Variants in HMGA2 observed in about 807,000 individuals in gnomAD.
HMGA2 encodes the protein high mobility group AT-hook 2.
In HMGA2, 8 loss-of-function variants were observed where a neutral mutation model predicts 19.1. That is an observed-to-expected ratio of 0.42 (90% CI 0.25 to 0.76). The LOEUF is 0.76. Ranked by LOEUF, HMGA2 falls within the 30% of genes least tolerant of loss-of-function variation. HMGA2 has a pLI of 0.28. For missense variants in HMGA2, 109 were observed against 136.3 expected (o/e 0.80, Z 1.00); for synonymous variants, 60 against 48.8 (o/e 1.23, Z -0.96).
At chr12:65,875,475 G>A (rs1456346682) in intron 3 of HMGA2, among the ~76,000 whole-genome samples, 1 of 152,058 alleles carries the variant, frequency 6.6e-6, no homozygotes, top group South Asian at 2.1e-4. Context: ...CCAGGCTGGA[G>A]TGCAGTGGTG....
intron 3 of HMGA2, chr12:65,851,698 C>G (rs1284566354): frequency 4.8e-6 from 2 of 420,488 alleles, no homozygotes; most frequent in Admixed American, 5.3e-5. Context: ...AGTTTTAAAC[C>G]CTGTGAAAAT....
At chr12:65,950,936 T>G (rs1259705442) in intron 3 of HMGA2, among the ~76,000 whole-genome samples, 1 of 152,194 alleles carries the variant, frequency 6.6e-6, no homozygotes, top group Non-Finnish European at 1.5e-5. Flanking sequence ...ATAGACATTT[T>G]TGTTTTTTTT....
chr12:65,875,107 A>G (rs1872915275), intron 3 of HMGA2, among the ~76,000 whole-genome samples: 1 of 143,780 alleles, frequency 7.0e-6, no homozygotes, highest in Non-Finnish European at 1.5e-5. Flanking sequence ...AAATGCTTAT[A>G]TTTATTAGAG....
At position 65,947,141 on chromosome 12, in the gene HMGA2, G is replaced by T. The variant is rs528236375; in HGVS notation, c.250-4242G>T. 9.3e-5 allele frequency among the ~76,000 whole-genome samples: 14 copies of T among 150,574 alleles called. No homozygotes were observed. The South Asian group carries it at 2.5e-3, about 27-fold the overall frequency. On this transcript the variant is annotated intron_variant, in intron 3 of 4. Transcript: ENST00000403681. ...CTCACCACTTTTTTTTTTTTTTGAG[G>T]CAGAGTCTTGCTCCGTCACCCAGGC...
chr12:65,828,164 T>C (rs1201010932), intron 2 of HMGA2, 77 bp downstream of exon 2: 3 of 1,051,966 alleles, frequency 2.9e-6, no homozygotes, highest in East Asian at 4.7e-5. Context: ...TTTCCCATTC[T>C]AACTCCGCAG....
chr12:65,954,937 G>T (rs1876562194), intron 4 of HMGA2: 1 of 152,168 alleles, frequency 6.6e-6, no homozygotes, highest in Non-Finnish European at 1.5e-5. Flanking sequence ...GGGTGCAGTG[G>T]CTCACACCTG....
intron 3 of HMGA2, among the ~76,000 whole-genome samples, chr12:65,886,804 C>G (rs181681823): frequency 3.8e-4 from 58 of 152,312 alleles, no homozygotes; most frequent in African/African-American, 1.3e-3. Flanking sequence ...CAAAGCTTCT[C>G]AACCCACCAG....
chr12:65,891,467 G>A (rs1200191259), intron 3 of HMGA2, among the ~76,000 whole-genome samples: 1 of 152,228 alleles, frequency 6.6e-6, no homozygotes, highest in Non-Finnish European at 1.5e-5. Flanking sequence ...AGCATTTAGG[G>A]AAGACAGTTA....
chr12:65,924,989 A>G (rs1875455002), intron 3 of HMGA2, among the ~76,000 whole-genome samples: 1 of 152,136 alleles, frequency 6.6e-6, no homozygotes, highest in African/African-American at 2.4e-5. Flanking sequence ...GTAAAATTTA[A>G]CAGAATAAAG....
chr12:65,865,770 G>A (rs980617941), intron 3 of HMGA2, among the ~76,000 whole-genome samples: 2 of 151,346 alleles, frequency 1.3e-5, no homozygotes, highest in South Asian at 4.2e-4. Context: ...GAGTAGCTGG[G>A]ACTACAGGCA....
chr12:65,867,564 C>T, intron 3 of HMGA2: 3 of 443,300 alleles, frequency 6.8e-6, no homozygotes, highest in Non-Finnish European at 1.4e-5. Context: ...ACTGACAAAT[C>T]AGTTGGACTG....
chr12:65,879,912 C>T (rs1409576827), intron 3 of HMGA2, among the ~76,000 whole-genome samples: 1 of 152,108 alleles, frequency 6.6e-6, no homozygotes, highest in Non-Finnish European at 1.5e-5. Flanking sequence ...AAAAACAACT[C>T]GATGAATAGA....
At position 65,824,962 on chromosome 12, in the gene HMGA2, C is replaced by A; in HGVS notation, c.-309C>A. On this transcript the variant is annotated 5_prime_UTR_variant, in exon 1 of 5. Coordinates refer to ENST00000403681, the MANE Select transcript of HMGA2 (RefSeq NM_003483.6). ...TTCCTTCTCCCTCGCTTCCCTCCTC[C>A]TCTTGCTACCTCCACCTCCACCGCC... is the stretch of plus-strand genomic sequence containing the variant. 2.5e-6 allele frequency: 1 copy of A among 392,350 alleles called. No homozygotes were observed. Among genetic ancestry groups the A allele is most frequent in the South Asian group, 3.9e-5 (1 of 25,668 alleles). 24.3% of individuals were successfully genotyped at this position (392,350 alleles called of 1,614,324 possible).
At chr12:65,847,499 C>A (rs999807567) in intron 3 of HMGA2, among the ~76,000 whole-genome samples, 3 of 152,092 alleles carry the variant, frequency 2.0e-5, no homozygotes, top group Admixed American at 2.0e-4. Context: ...AAAATGAGCT[C>A]TTTGAGGGTT....
At chr12:65,952,583 G>A in intron 4 of HMGA2, 1 of 1,198,948 alleles carries the variant, frequency 8.3e-7, no homozygotes, top group Non-Finnish European at 1.1e-6. Context: ...AGTGGGAGAG[G>A]GGTGCTAAAA....
At chr12:65,831,159 C>A (rs1870458556) in intron 2 of HMGA2, 1 of 151,798 alleles carries the variant, frequency 6.6e-6, no homozygotes, top group East Asian at 1.9e-4. Flanking sequence ...TATGTCTTAA[C>A]TTCCTTTTTT....
intron 2 of HMGA2, among the ~76,000 whole-genome samples, chr12:65,838,236 A>G (rs1378513366): frequency 6.6e-6 from 1 of 152,100 alleles, no homozygotes; most frequent in East Asian, 1.9e-4. Context: ...GCTTTTGAAA[A>G]AGCATTTTCA....
intron 3 of HMGA2, chr12:65,843,608 C>A: frequency 5.9e-6 from 1 of 168,968 alleles, no homozygotes; most frequent in Non-Finnish European, 1.3e-5. Context: ...GATTTTGAAG[C>A]TAAAACATTA....
At chr12:65,844,838 C>A (rs952868987) in intron 3 of HMGA2, among the ~76,000 whole-genome samples, 1 of 152,194 alleles carries the variant, frequency 6.6e-6, no homozygotes, top group Non-Finnish European at 1.5e-5. Flanking sequence ...AGATTTTTCT[C>A]ACTTGTGTGG....
Sources: allele counts gnomAD v4.1 joint callset (sites outside exome capture counted in the v4.1 genomes callset), GRCh38; gene constraint gnomAD v4.1.1; transcripts MANE v1.5; gene names NCBI Gene and HGNC (gene_info 2026-07-23, HGNC 2026-07-21).